LIMK1: variants seen among roughly 807,000 people sequenced by gnomAD.
The protein encoded by LIMK1 is LIM motif-containing protein kinase.
LIMK1 carries 21 observed loss-of-function variants against 77.6 expected under a neutral mutation model. The ratio of observed to expected loss-of-function variants is 0.27; its 90% CI spans 0.19 to 0.39. The LOEUF is 0.39. Ranked by LOEUF, LIMK1 falls within the 10% of genes least tolerant of loss-of-function variation. The pLI is 1.00. For synonymous variants in LIMK1, 358 were observed against 370.0 expected, an observed-to-expected ratio of 0.97 and a Z score of 0.37; for missense variants, 696 against 901.6, an observed-to-expected ratio of 0.77 and a Z score of 2.92.
At chr7:74,114,121 G>C (rs560774509) in intron 12 of LIMK1, among the ~76,000 whole-genome samples, 1 of 152,048 alleles carries the variant, frequency 6.6e-6, no homozygotes, top group South Asian at 2.1e-4. Context: ...GTGGTGGTGG[G>C]TGCCTGTAGT....
intron 12 of LIMK1, among the ~76,000 whole-genome samples, chr7:74,112,216 G>A (rs1234593936): frequency 6.6e-6 from 1 of 152,116 alleles, no homozygotes; most frequent in Non-Finnish European, 1.5e-5. Flanking sequence ...GACTCATGGT[G>A]GACCATCAGA....
intron 2 of LIMK1, among the ~76,000 whole-genome samples, chr7:74,092,687 T>G (rs1481294486): frequency 1.3e-5 from 2 of 152,200 alleles, no homozygotes; most frequent in African/African-American, 4.8e-5. Flanking sequence ...AGCATCTCCT[T>G]GGCAGCTGGG....
Position 74,083,981 on chromosome 7 carries a change from C to G in LIMK1, c.-10C>G. 1 of 1,352,042 alleles carries G rather than the reference C, an allele frequency of 7.4e-7. No homozygotes were observed. Among genetic ancestry groups the G allele is most frequent in the Non-Finnish European group, 9.7e-7 (1 of 1,031,580 alleles). The allele number at this position is 1,352,042 out of a possible 1,614,324, so 83.8% of individuals were successfully genotyped here. A position where few individuals can be genotyped will look rare whatever the true frequency, so the allele number is the denominator to read the frequency against. Reference sequence around the variant, plus strand: ...CCCAGCCCCGCCGGGCCCCGCCCCCCGTCGAGTGCATGAGGTTGACGCTAC... The same window carrying G: ...CCCAGCCCCGCCGGGCCCCGCCCCCGGTCGAGTGCATGAGGTTGACGCTAC... On this transcript the variant is annotated 5_prime_UTR_variant, in exon 1 of 16. Coordinates refer to ENST00000336180, the MANE Select transcript of LIMK1 (RefSeq NM_002314.4).
In LIMK1 at chr7:74,084,106, C is replaced by T. The variant is rs947693610; in HGVS notation, c.55+61C>T. The T allele has an allele frequency of 1.9e-4, 185 of 978,188 alleles. 1 individual carries two copies. Among genetic ancestry groups the T allele is most frequent in the Middle Eastern group, 3.1e-4 (1 of 3,220 alleles). 60.6% of individuals were successfully genotyped at this position (978,188 alleles called of 1,614,324 possible). A position where few individuals can be genotyped will look rare whatever the true frequency, so the allele number is the denominator to read the frequency against. ...AGGGGGTGCCCGGGGCAGCGTGGGGCACGGGAGGGGGCCGGGTCTGCCAGG... is the reference window on the plus strand; with the variant it reads ...AGGGGGTGCCCGGGGCAGCGTGGGGTACGGGAGGGGGCCGGGTCTGCCAGG... On this transcript the variant is annotated intron_variant, in intron 1 of 15. Transcript: ENST00000336180.
rs181474060 is a variant in LIMK1, at chr7:74,106,318, C to T, written c.881+75C>T. The T allele has an allele frequency of 2.5e-5, 38 of 1,507,682 alleles. No homozygotes were observed. In the East Asian group the frequency reaches 3.4e-4, roughly 13 times the overall value. The allele number at this position is 1,507,682 out of a possible 1,614,324, so 93.4% of individuals were successfully genotyped here. ...GGCTCAGGGGCTGTGGGACCTAGGT[C>T]GGGGAGCCAGCCCTGCACAAATGCA... On this transcript the variant is annotated intron_variant, in intron 7 of 15. Transcript: ENST00000336180.
chr7:74,089,785 G>C (rs924538347), intron 2 of LIMK1, among the ~76,000 whole-genome samples: 1 of 152,078 alleles, frequency 6.6e-6, no homozygotes, highest in Non-Finnish European at 1.5e-5. Context: ...CAGAAAAAAC[G>C]GCCGCCTCGG....
intron 12 of LIMK1, 154 bp from the exon 13 acceptor site, chr7:74,115,641 TGGGTTTG>T (rs1799791163): frequency 1.5e-6 from 1 of 665,634 alleles, no homozygotes; most frequent in Non-Finnish European, 2.5e-6. Context: ...AAAGAGCGGA[TGGGTTTG>T]GGGAAGGAAG....
At position 74,106,228 on chromosome 7, in the gene LIMK1, G is replaced by A. The variant is rs199717579; in HGVS notation, c.866G>A (p.Arg289Gln). 58 of 1,611,136 alleles carry A rather than the reference G, an allele frequency of 3.6e-5. No homozygotes were observed. The highest frequency in any genetic ancestry group is 6.7e-5 in the East Asian group (3 of 44,846). Residue 289 changes from arginine (R) to glutamine (Q), a missense_variant, in exon 7 of 16, where the codon CGG (arginine) becomes CAG (glutamine). Transcript: ENST00000336180. ...AGCGGGGAGGCGGGCAGCTCTGCCC[G>A]GCAGAAACCTGTCTTGTAAGTCAGC... ...TPSGEAGSSA[R>Q]QKPVLRSCSI...
At chr7:74,115,566 C>T in intron 12 of LIMK1, 2 of 501,404 alleles carry the variant, frequency 4.0e-6, no homozygotes, top group Non-Finnish European at 7.2e-6. Flanking sequence ...GCAGAGGGTG[C>T]AGCGTGTGGT....
intron 13 of LIMK1, among the ~76,000 whole-genome samples, chr7:74,118,165 A>G (rs1310947040): frequency 1.3e-5 from 2 of 151,414 alleles, no homozygotes; most frequent in Admixed American, 1.3e-4. Context: ...TCACGAGGTC[A>G]AGAGATTGAG....
At position 74,115,865 on chromosome 7, in the gene LIMK1, C is replaced by G; in HGVS notation, c.1474C>G (p.Pro492Ala). 1 of 1,614,200 alleles carries G rather than the reference C, an allele frequency of 6.2e-7. No individual in the cohort carries two copies. Among genetic ancestry groups the G allele is most frequent in the African/African-American group, 1.3e-5 (1 of 75,072 alleles). ...ARLMVDEKTQ[P>A]EGLRSLKKPD... is the part of the protein sequence containing the mutation. ...TCTCATGGTGGACGAGAAGACTCAG[C>G]CTGAGGGCCTGCGGAGCCTCAAGAA... The change falls in exon 13 of 16, where the codon CCT (proline) becomes GCT (alanine). Residue 492 changes from proline (P) to alanine (A), a missense_variant. By Grantham distance (27) the Pro-to-Ala change is conservative. Around this residue, in one of 3 missense-constraint regions of LIMK1, gnomAD observed 438 missense variants for 602.3 expected, o/e 0.73. Coordinates refer to ENST00000336180, the MANE Select transcript of LIMK1 (RefSeq NM_002314.4).
chr7:74,114,378 T>C (rs936910591), intron 12 of LIMK1, among the ~76,000 whole-genome samples: 16 of 150,854 alleles, frequency 1.1e-4, no homozygotes, highest in African/African-American at 3.9e-4. Flanking sequence ...ATAAAAAAAT[T>C]TGTCTCTACA....
At chr7:74,105,593 A>G (rs569056877) in intron 5 of LIMK1, among the ~76,000 whole-genome samples, 1 of 152,150 alleles carries the variant, frequency 6.6e-6, no homozygotes, top group Admixed American at 6.5e-5. Flanking sequence ...GGGTGGAGAC[A>G]ATGGTCCATT....
chr7:74,098,148 G>A (rs373443611), intron 4 of LIMK1, among the ~76,000 whole-genome samples: 4 of 152,190 alleles, frequency 2.6e-5, no homozygotes, highest in South Asian at 4.1e-4. Flanking sequence ...TCTAGCCCCC[G>A]TTCTTGGAGG....
At chr7:74,085,653 C>CAGGTGT in intron 1 of LIMK1, 95 bp from the exon 2 acceptor site, 1 of 921,466 alleles carries the variant, frequency 1.1e-6, no homozygotes, top group Non-Finnish European at 1.7e-6. Context: ...AGGATTGGTG[C>CAGGTGT]AGGTGTAGGT....
In LIMK1 at chr7:74,083,987, G is replaced by C. The variant is rs1554693706; in HGVS notation, c.-4G>C. Reference sequence around the variant, plus strand: ...CCCGCCGGGCCCCGCCCCCCGTCGAGTGCATGAGGTTGACGCTACTTTGTT... The same window carrying C: ...CCCGCCGGGCCCCGCCCCCCGTCGACTGCATGAGGTTGACGCTACTTTGTT... On this transcript the variant is annotated 5_prime_UTR_variant, in exon 1 of 16. Coordinates refer to ENST00000336180, the MANE Select transcript of LIMK1 (RefSeq NM_002314.4). 4 of 1,408,798 alleles carry C rather than the reference G, an allele frequency of 2.8e-6. No homozygotes were observed. In the African/African-American group the frequency reaches 5.9e-5, roughly 21 times the overall value. The allele number at this position is 1,408,798 out of a possible 1,614,324, so 87.3% of individuals were successfully genotyped here.
At chr7:74,097,255 G>A in intron 4 of LIMK1, 66 bp downstream of exon 4, 1 of 1,043,876 alleles carries the variant, frequency 9.6e-7, no homozygotes, top group Non-Finnish European at 1.4e-6. Flanking sequence ...CAAGGGTGCT[G>A]ACTCTCCCAC....
At chr7:74,114,769 G>T (rs1350947085) in intron 12 of LIMK1, among the ~76,000 whole-genome samples, 1 of 151,722 alleles carries the variant, frequency 6.6e-6, no homozygotes, top group Non-Finnish European at 1.5e-5. Flanking sequence ...CAAAAAATTA[G>T]CTGGGCATGG....
rs1799482981 is a variant in LIMK1 at position 74,102,484 on chromosome 7, C to CTTTTTTTTTTCTTTTTTTTTTTTT, written c.608+3256_608+3257insCTTTTTTTTTTTTTTTTTTTTTTT. ...GATATTCTCAAAAGAAGGACCTTCTCTTTTTTTTTTTTTTTTTTGGAGACA... is the reference window on the plus strand; with the variant it reads ...GATATTCTCAAAAGAAGGACCTTCTCTTTTTTTTTTCTTTTTTTTTTTTTTTTTTTTTTTTTTTTTTTGGAGACA... On this transcript the variant is annotated intron_variant, in intron 5 of 15. Coordinates refer to ENST00000336180, the MANE Select transcript of LIMK1 (RefSeq NM_002314.4). Among the ~76,000 whole-genome samples the CTTTTTTTTTTCTTTTTTTTTTTTT allele has an allele frequency of 7.4e-5, 4 of 54,042 alleles. 2 individuals carry two copies. Among genetic ancestry groups the CTTTTTTTTTTCTTTTTTTTTTTTT allele is most frequent in the African/African-American group, 1.2e-4 (2 of 17,240 alleles). The allele number at this position is 54,042 out of a possible 152,430, so 35.5% of individuals were successfully genotyped here.
Sources: gnomAD v4.1 joint callset for allele counts (sites outside exome capture counted in the v4.1 genomes callset) on GRCh38, gnomAD v4.1.1 for gene constraint, gnomAD v4.1.1 regional missense constraint, MANE v1.5 for transcripts, NCBI Gene and HGNC (gene_info 2026-07-23, HGNC 2026-07-21) for gene names.